The following SCAMP1 variants were observed in gnomAD, a reference collection of about 807,000 sequenced individuals.
SCAMP1 encodes the protein secretory carrier-associated membrane protein 1.
In SCAMP1, 15 loss-of-function variants were observed where a neutral mutation model predicts 41.8. The ratio of observed to expected loss-of-function variants is 0.36; its 90% CI spans 0.24 to 0.55. The LOEUF (loss-of-function observed/expected upper bound fraction) is 0.55. Among genes scored for constraint, SCAMP1 ranks in the 20% least tolerant of loss-of-function variants. SCAMP1 has a pLI of 0.86. For synonymous variants in SCAMP1, 135 were observed against 136.8 expected (o/e 0.99, Z 0.09); for missense variants, 341 against 412.6 (o/e 0.83, Z 1.50).
Position 78,456,323 on chromosome 5 carries a change from C to T in SCAMP1, c.735-2922C>T, listed in dbSNP as rs1468798373. On this transcript the variant is annotated intron_variant, in intron 7 of 8. Coordinates refer to ENST00000621999, the MANE Select transcript of SCAMP1 (RefSeq NM_004866.6). Reference sequence around the variant, plus strand: ...GGCATGATTTTGCAGCGGCTGGTACCGGTTGTTCTTTTCCATGTTTAGCGT... The same window carrying T: ...GGCATGATTTTGCAGCGGCTGGTACTGGTTGTTCTTTTCCATGTTTAGCGT... Among the ~76,000 whole-genome samples, 6 of 151,592 alleles carry T rather than the reference C, an allele frequency of 4.0e-5. No individual in the cohort carries two copies. The East Asian group carries it at 5.8e-4, about 15-fold the overall frequency.
intron 7 of SCAMP1, among the ~76,000 whole-genome samples, chr5:78,452,578 C>T (rs1753266067): frequency 6.8e-6 from 1 of 146,812 alleles, no homozygotes; most frequent in East Asian, 2.0e-4. Flanking sequence ...TTTCTTAATC[C>T]AGTCTATCAT....
At chr5:78,372,316 G>A (rs1352354351) in intron 1 of SCAMP1, among the ~76,000 whole-genome samples, 1 of 152,166 alleles carries the variant, frequency 6.6e-6, no homozygotes, top group Non-Finnish European at 1.5e-5. Flanking sequence ...GGTAAACTAG[G>A]TGTAATTTTA....
rs2112157440 is a variant in SCAMP1 at position 78,426,642 on chromosome 5, T to C, written c.632+4682T>C. Among the ~76,000 whole-genome samples, 2 of 152,252 alleles carry C rather than the reference T, an allele frequency of 1.3e-5. 1 individual carries two copies. The highest frequency in any genetic ancestry group is 4.8e-5 in the African/African-American group (2 of 41,526). On this transcript the variant is annotated intron_variant, in intron 6 of 8. Transcript: ENST00000621999. Reference sequence around the variant, plus strand: ...ATGATTTTTAAGTAAATTAATAGAGTTGTGCAATCATTACCACAATCAGTT... The same window carrying C: ...ATGATTTTTAAGTAAATTAATAGAGCTGTGCAATCATTACCACAATCAGTT...
chr5:78,463,836 A>G (rs1038569667), intron 8 of SCAMP1, among the ~76,000 whole-genome samples: 4 of 150,894 alleles, frequency 2.7e-5, no homozygotes, highest in African/African-American at 9.8e-5. Context: ...TAAAGGGTAA[A>G]ATGCATAGTA....
intron 1 of SCAMP1, among the ~76,000 whole-genome samples, chr5:78,384,807 G>T (rs1751302475): frequency 6.6e-6 from 1 of 152,068 alleles, no homozygotes; most frequent in South Asian, 2.1e-4. Flanking sequence ...GAAACCACTT[G>T]ATTATGGTGG....
chr5:78,360,634 G>C lies in SCAMP1; in HGVS notation c.-38G>C. 1.3e-6 allele frequency: 2 copies of C among 1,589,158 alleles called. No individual in the cohort carries two copies. Among genetic ancestry groups the C allele is most frequent in the East Asian group, 2.3e-5 (1 of 43,398 alleles). Reference sequence around the variant, plus strand: ...GCGGCCTCGCCTCGTCTCTCTCTCTGCGCCTGGGTCGGGTGGGTGACGCCG... The same window carrying C: ...GCGGCCTCGCCTCGTCTCTCTCTCTCCGCCTGGGTCGGGTGGGTGACGCCG... On this transcript the variant is annotated 5_prime_UTR_variant, in exon 1 of 9. Transcript: ENST00000621999.
intron 1 of SCAMP1, among the ~76,000 whole-genome samples, chr5:78,387,424 C>G (rs923220610): frequency 3.4e-5 from 5 of 145,836 alleles, no homozygotes; most frequent in Non-Finnish European, 7.5e-5. Flanking sequence ...CCTCCTTGAT[C>G]GGCTTAAAAG....
At chr5:78,393,624 A>G (rs1751573039) in intron 2 of SCAMP1, among the ~76,000 whole-genome samples, 1 of 152,240 alleles carries the variant, frequency 6.6e-6, no homozygotes, top group Admixed American at 6.5e-5. Flanking sequence ...ATTGAGATGT[A>G]CTATAAAAAT....
chr5:78,365,820 A>G (rs1162801077), intron 1 of SCAMP1, among the ~76,000 whole-genome samples: 1 of 152,208 alleles, frequency 6.6e-6, no homozygotes, highest in African/African-American at 2.4e-5. Flanking sequence ...AAAATTCAGC[A>G]TTCTCACTTA....
intron 5 of SCAMP1, among the ~76,000 whole-genome samples, chr5:78,420,683 G>A (rs912720771): frequency 1.3e-5 from 2 of 152,068 alleles, no homozygotes; most frequent in Non-Finnish European, 2.9e-5. Context: ...TACAACCTAA[G>A]TGACTTCATC....
chr5:78,364,568 CT>C (rs1379783510), intron 1 of SCAMP1, among the ~76,000 whole-genome samples: 1 of 152,096 alleles, frequency 6.6e-6, no homozygotes, highest in Non-Finnish European at 1.5e-5. Context: ...CTTAGGTCTC[CT>C]GATTTCTAGT....
chr5:78,360,829 T>G, intron 1 of SCAMP1, 101 bp downstream of exon 1: 1 of 1,227,038 alleles, frequency 8.1e-7, no homozygotes, highest in Non-Finnish European at 1.1e-6. Context: ...TCGGCTCCCC[T>G]TAGCAGCCCA....
chr5:78,420,240 A>G (rs868554290), intron 5 of SCAMP1, among the ~76,000 whole-genome samples: 3 of 152,088 alleles, frequency 2.0e-5, no homozygotes, highest in African/African-American at 4.8e-5. Flanking sequence ...ATTTTCATCT[A>G]TACTTGGAAT....
At chr5:78,366,429 C>T (rs1359732779) in intron 1 of SCAMP1, among the ~76,000 whole-genome samples, 1 of 152,120 alleles carries the variant, frequency 6.6e-6, no homozygotes, top group Non-Finnish European at 1.5e-5. Flanking sequence ...CAGGTGTATG[C>T]CACCACACTT....
At chr5:78,406,309 G>A (rs930102783) in intron 2 of SCAMP1, among the ~76,000 whole-genome samples, 4 of 152,198 alleles carry the variant, frequency 2.6e-5, no homozygotes, top group South Asian at 2.1e-4. Flanking sequence ...TTTCTGATAC[G>A]GGATGTCTGT....
intron 6 of SCAMP1, among the ~76,000 whole-genome samples, chr5:78,443,119 A>C (rs1161428451): frequency 4.7e-5 from 7 of 149,286 alleles, no homozygotes; most frequent in African/African-American, 1.7e-4. Context: ...AGGCTGAGGC[A>C]GGAGAATGGC....
chr5:78,423,318 TG>T (rs748048288), intron 6 of SCAMP1, among the ~76,000 whole-genome samples: 1 of 152,106 alleles, frequency 6.6e-6, no homozygotes, highest in Non-Finnish European at 1.5e-5. Flanking sequence ...CCTGTAGAGA[TG>T]GGTTGGAGAG....
At chr5:78,423,018 A>G (rs980680044) in intron 6 of SCAMP1, among the ~76,000 whole-genome samples, 1,390 of 7,960 alleles carry the variant, frequency 0.17, 6 homozygotes, top group African/African-American at 0.38. Context: ...GCGCGCGCGC[A>G]CACACACACA....
chr5:78,439,764 C>G (rs1470428719), intron 6 of SCAMP1, among the ~76,000 whole-genome samples: 4 of 152,078 alleles, frequency 2.6e-5, no homozygotes, highest in African/African-American at 9.7e-5. Context: ...GTTGACCTGC[C>G]TTGGTAGGTT....
Sources: allele counts gnomAD v4.1 joint callset (sites outside exome capture counted in the v4.1 genomes callset), GRCh38; gene constraint gnomAD v4.1.1; transcripts MANE v1.5; gene names NCBI Gene and HGNC (gene_info 2026-07-23, HGNC 2026-07-21).